F9: variants seen among roughly 807,000 people sequenced by gnomAD.
F9 encodes coagulation factor IX.
F9 carries 2 observed loss-of-function variants against 34.1 expected under a neutral mutation model. The ratio of observed to expected loss-of-function variants is 0.06; its 90% CI spans 0.02 to 0.18. The LOEUF is 0.18. Ranked by LOEUF, F9 falls within the 10% of genes least tolerant of loss-of-function variation. The pLI is 1.00. For synonymous variants in F9, 137 were observed against 118.8 expected, an observed-to-expected ratio of 1.15 and a Z score of -1.00; for missense variants, 216 against 345.1, an observed-to-expected ratio of 0.63 and a Z score of 2.96.
At chrX:139,552,805 A>G (rs1014642106) in intron 6 of F9, among the ~76,000 whole-genome samples, 1 of 112,287 alleles carries the variant, frequency 8.9e-6, no homozygotes, top group African/African-American at 3.2e-5. Flanking sequence ...GGATTTCTCT[A>G]CTGAGGTTAG....
At chrX:139,551,302 G>C in intron 6 of F9, 38 bp downstream of exon 6, 1 of 1,124,262 alleles carries the variant, frequency 8.9e-7, no homozygotes, top group Non-Finnish European at 1.2e-6. Flanking sequence ...CTGGAGCTCA[G>C]CTGGCAAGAC....
At chrX:139,554,600 G>A (rs777310763) in intron 6 of F9, among the ~76,000 whole-genome samples, 1 of 112,508 alleles carries the variant, frequency 8.9e-6, no homozygotes, top group East Asian at 2.8e-4. Context: ...GCTCCACCAT[G>A]TCATGGTTAA....
intron 6 of F9, among the ~76,000 whole-genome samples, chrX:139,553,096 C>T (rs1303758245): frequency 8.9e-6 from 1 of 111,883 alleles, no homozygotes; most frequent in Non-Finnish European, 1.9e-5. Flanking sequence ...AAGGTTTTCC[C>T]TTTCTTTTAC....
chrX:139,538,261 C>G (rs1804952162), intron 3 of F9, among the ~76,000 whole-genome samples: 1 of 111,965 alleles, frequency 8.9e-6, no homozygotes, highest in Admixed American at 9.5e-5. Flanking sequence ...AAAAGAGGTA[C>G]TCAGTAAATA....
rs6049 is a variant in F9 at position 139,541,196 on chromosome X, A to G, written c.391+7A>G. ...GGAAAGAACTGTGAATTAGGTAAGT[A>G]ACTATTTTTTGAATACTCATGGTTC... On this transcript the variant is annotated splice_region_variant and intron_variant, in intron 4 of 7. Coordinates refer to ENST00000218099, the MANE Select transcript of F9 (RefSeq NM_000133.4). The G allele has an allele frequency of 7.7e-3, 8,717 of 1,127,094 alleles. 412 individuals are homozygous for G. The African/African-American group carries it at 0.13, about 17-fold the overall frequency. 92.9% of individuals were successfully genotyped at this position (1,127,094 alleles called of 1,213,427 possible).
chrX:139,545,678 T>C (rs1927700121), intron 4 of F9, among the ~76,000 whole-genome samples: 2 of 111,120 alleles, frequency 1.8e-5, no homozygotes, highest in Non-Finnish European at 3.8e-5. Context: ...TCAGACAAAA[T>C]AGAATCCAAG....
intron 3 of F9, 119 bp downstream of exon 3, chrX:139,537,505 T>C: frequency 5.2e-6 from 3 of 579,495 alleles, no homozygotes; most frequent in Non-Finnish European, 8.7e-6. Flanking sequence ...GAAAGATCAG[T>C]CCAACCCTCT....
intron 1 of F9, among the ~76,000 whole-genome samples, chrX:139,536,028 A>G (rs1006960169): frequency 3.7e-5 from 4 of 109,543 alleles, no homozygotes; most frequent in African/African-American, 1.3e-4. Context: ...AGGTACAGTG[A>G]AAATACAGTA....
chrX:139,557,909 C>T (rs946047691), intron 6 of F9, among the ~76,000 whole-genome samples: 7 of 112,354 alleles, frequency 6.2e-5, no homozygotes, highest in African/African-American at 2.3e-4. Context: ...ACTTGAATCC[C>T]TGCAGCCCCA....
intron 6 of F9, among the ~76,000 whole-genome samples, chrX:139,558,463 C>T (rs4149736): frequency 3.3e-3 from 378 of 113,427 alleles, no homozygotes; most frequent in African/African-American, 0.012. Flanking sequence ...TCCTGGGCAC[C>T]TTTGAGGGTC....
chrX:139,551,361 G>C (rs1343027945), intron 6 of F9, 97 bp downstream of exon 6: 2 of 760,349 alleles, frequency 2.6e-6, no homozygotes, highest in Non-Finnish European at 4.1e-6. Context: ...GACCTATTGG[G>C]ATGTGAGAAG....
chrX:139,555,627 C>G (rs1238489128), intron 6 of F9, among the ~76,000 whole-genome samples: 1 of 112,652 alleles, frequency 8.9e-6, no homozygotes, highest in East Asian at 2.8e-4. Context: ...CCTCCAGATG[C>G]CCAGCGATGG....
intron 6 of F9, among the ~76,000 whole-genome samples, chrX:139,555,207 A>T (rs776749975): frequency 8.9e-6 from 1 of 112,385 alleles, no homozygotes; most frequent in African/African-American, 3.2e-5. Flanking sequence ...GTCACTGGGG[A>T]CAGCAGCGGC....
chrX:139,536,064 T>C (rs1603264017), intron 1 of F9, among the ~76,000 whole-genome samples: 1 of 108,823 alleles, frequency 9.2e-6, no homozygotes, highest in East Asian at 2.9e-4. Context: ...ACCACTGTCG[T>C]ATAATGTGGT....
In F9 at chrX:139,562,002, C is replaced by T. The variant is rs773746448; in HGVS notation, c.1317C>T (p.Gly439=). 1 of 1,210,380 alleles carries T rather than the reference C, an allele frequency of 8.3e-7. No individual in the cohort carries two copies. The highest frequency in any genetic ancestry group is 1.8e-5 in the South Asian group (1 of 56,881). Reference sequence around the variant, plus strand: ...GGGGTGAAGAGTGTGCAATGAAAGGCAAATATGGAATATATACCAAGGTAT... The same window carrying T: ...GGGGTGAAGAGTGTGCAATGAAAGGTAAATATGGAATATATACCAAGGTAT... ...ISWGEECAMK[G]KYGIYTKVSR... The change falls in exon 8 of 8, where the codon GGC becomes GGT. Residue 439 remains glycine, a synonymous_variant. Coordinates refer to ENST00000218099, the MANE Select transcript of F9 (RefSeq NM_000133.4).
intron 1 of F9, 63 bp from the exon 2 acceptor site, chrX:139,536,947 T>C: frequency 9.6e-7 from 1 of 1,041,618 alleles, no homozygotes; most frequent in Non-Finnish European, 1.3e-6. Context: ...TCTTAAGAGA[T>C]GTAAAATTTT....
chrX:139,544,029 A>G (rs1927660680), intron 4 of F9, among the ~76,000 whole-genome samples: 1 of 112,023 alleles, frequency 8.9e-6, no homozygotes, highest in Non-Finnish European at 1.9e-5. Context: ...CAAGCCAAAG[A>G]TCAACAGCAG....
Position 139,562,999 on chromosome X carries a change from G to C in F9, c.*928G>C, listed in dbSNP as rs1928160757. 9.5e-6 allele frequency: 1 copy of C among 105,657 alleles called. No individual in the cohort carries two copies. Among genetic ancestry groups the C allele is most frequent in the Non-Finnish European group, 1.9e-5 (1 of 51,647 alleles). The allele number at this position is 105,657 out of a possible 1,213,427, so 8.7% of individuals were successfully genotyped here. On this transcript the variant is annotated 3_prime_UTR_variant, in exon 8 of 8. Transcript: ENST00000218099. Reference sequence around the variant, plus strand: ...TGTATGGTTATGGAGGTCTGACTAGGCATGATTTCACGAAGGCAAGATTGG... The same window carrying C: ...TGTATGGTTATGGAGGTCTGACTAGCCATGATTTCACGAAGGCAAGATTGG...
intron 7 of F9, among the ~76,000 whole-genome samples, chrX:139,561,282 A>G (rs916580483): frequency 1.8e-5 from 2 of 112,199 alleles, no homozygotes; most frequent in South Asian, 7.4e-4. Flanking sequence ...TAGTGGATTC[A>G]TTATCACCAA....
Sources: allele counts gnomAD v4.1 joint callset (sites outside exome capture counted in the v4.1 genomes callset), GRCh38; gene constraint gnomAD v4.1.1; transcripts MANE v1.5; gene names NCBI Gene and HGNC (gene_info 2026-07-23, HGNC 2026-07-21).